The following SHANK2 variants were observed in gnomAD, a reference collection of about 807,000 sequenced individuals.
SHANK2 encodes SH3 and multiple ankyrin repeat domains protein 2.
SHANK2 carries 43 observed loss-of-function variants against 133.7 expected under a neutral mutation model. That is an observed-to-expected ratio of 0.32 (90% CI 0.25 to 0.41). SHANK2 has a LOEUF of 0.41. Ranked by LOEUF, SHANK2 falls within the 10% of genes least tolerant of loss-of-function variation. SHANK2 has a pLI of 1.00. For missense variants in SHANK2, 1,994 were observed against 2,235.8 expected (o/e 0.89, Z 2.18); for synonymous variants, 1,017 against 952.8 (o/e 1.07, Z -1.24).
chr11:70,876,243 G>GAC (rs3064243), intron 11 of SHANK2, among the ~76,000 whole-genome samples: 3,195 of 134,842 alleles, frequency 0.024, 57 homozygotes, highest in East Asian at 0.042. Context: ...CACACATATA[G>GAC]ACACACACAC....
intron 17 of SHANK2, among the ~76,000 whole-genome samples, chr11:70,610,111 C>T (rs1191102527): frequency 2.0e-5 from 3 of 151,650 alleles, no homozygotes; most frequent in Non-Finnish European, 4.4e-5. Context: ...AACTAGGTCT[C>T]GGTGGTGGTC....
At chr11:70,811,761 C>T (rs782629353) in intron 12 of SHANK2, among the ~76,000 whole-genome samples, 30 of 151,698 alleles carry the variant, frequency 2.0e-4, no homozygotes, top group Non-Finnish European at 2.5e-4. Context: ...ATCTATCCAT[C>T]CACCATCCAG....
chr11:70,695,923 A>G lies in SHANK2; in HGVS notation c.1853+2765T>C, dbSNP rs1441486644. Among the ~76,000 whole-genome samples the G allele has an allele frequency of 2.0e-5, 3 of 152,212 alleles. No individual in the cohort carries two copies. The East Asian group carries it at 5.8e-4, about 29-fold the overall frequency. ...TGACTCCTAACTCTGATCAAGGCTG[A>G]AGCTTTTTCACCATTTGCTTAGAAG... On this transcript the variant is annotated intron_variant, in intron 15 of 25. Coordinates refer to ENST00000601538, the MANE Select transcript of SHANK2 (RefSeq NM_012309.5).
At chr11:70,599,905 GAGAAAGAAAGAAAGAAAGAAAGAA>G (rs201394941) in intron 17 of SHANK2, among the ~76,000 whole-genome samples, 53 of 73,776 alleles carry the variant, frequency 7.2e-4, no homozygotes, top group Middle Eastern at 5.2e-3. Flanking sequence ...AAGAAAGAAA[GAGAAAGAAAGAAAGAAAGAAAGAA>G]AGAAAGAAAG....
chr11:70,662,043 G>GTAAGTAA, intron 15 of SHANK2: 1 of 516,202 alleles, frequency 1.9e-6, no homozygotes, highest in South Asian at 2.0e-5. Flanking sequence ...CCCGAACGGC[G>GTAAGTAA]GCGGCGGCAG....
At chr11:70,841,749 T>C (rs556572784) in intron 11 of SHANK2, among the ~76,000 whole-genome samples, 1 of 152,206 alleles carries the variant, frequency 6.6e-6, no homozygotes, top group East Asian at 1.9e-4. Flanking sequence ...ACGTGACTGC[T>C]CCTCCTGCCT....
chr11:70,486,548 T>C lies in SHANK2; in HGVS notation c.3745A>G (p.Ile1249Val), dbSNP rs1247473119. ...AGGCTGGGCCGCATTTTGGTATCAA[T>C]GTAAAGAGGTTTGTTGAGGTCGGCC... ...PKADLNKPLY[I>V]DTKMRPSLDA... The change falls in exon 25 of 26, where the codon ATT becomes GTT. Residue 1249 changes from isoleucine (I) to valine (V), a missense_variant. Ile to Val is a conservative substitution (Grantham distance 29). Transcript: ENST00000601538. This position sits in a 1 kb window ranked among gnomAD's most constrained non-coding sequence, Gnocchi z 8.0. 6.2e-7 allele frequency: 1 copy of C among 1,614,082 alleles called. No individual in the cohort carries two copies. The highest frequency in any genetic ancestry group is 8.5e-7 in the Non-Finnish European group (1 of 1,180,032).
At chr11:71,216,090 G>A (rs988320308) in intron 2 of SHANK2, among the ~76,000 whole-genome samples, 7 of 152,046 alleles carry the variant, frequency 4.6e-5, no homozygotes, top group South Asian at 2.1e-4. Context: ...AGGGACACAC[G>A]ACTCCACACG....
chr11:71,226,249 C>A (rs1954641766), intron 1 of SHANK2, among the ~76,000 whole-genome samples: 1 of 152,172 alleles, frequency 6.6e-6, no homozygotes, highest in Non-Finnish European at 1.5e-5. Flanking sequence ...GACAGAACAA[C>A]AGACATTATC....
intron 8 of SHANK2, among the ~76,000 whole-genome samples, chr11:71,081,696 C>T (rs1465893223): frequency 1.3e-5 from 2 of 152,148 alleles, no homozygotes; most frequent in Non-Finnish European, 2.9e-5. Flanking sequence ...AGAGAGGATG[C>T]CTCTCTTCCT....
intron 14 of SHANK2, among the ~76,000 whole-genome samples, chr11:70,781,558 T>TA (rs1555045157): frequency 1.4e-4 from 4 of 28,970 alleles, no homozygotes; most frequent in African/African-American, 3.1e-4. Context: ...TACTTACTTA[T>TA]TATATATATA....
intron 14 of SHANK2, among the ~76,000 whole-genome samples, chr11:70,776,870 C>T (rs1051984371): frequency 1.3e-5 from 2 of 151,486 alleles, no homozygotes; most frequent in Non-Finnish European, 2.9e-5. Flanking sequence ...TCCACACATC[C>T]ACCCACCCAT....
intron 3 of SHANK2, 87 bp downstream of exon 3, chr11:71,147,033 C>A (rs1952664313): frequency 8.5e-7 from 1 of 1,181,896 alleles, no homozygotes. Flanking sequence ...GACCGTGGGT[C>A]CGGGGAGGAC....
rs1057197843 is a variant in SHANK2, at chr11:71,057,038, C to A, written c.1030-480G>T. Among the ~76,000 whole-genome samples, 789 of 152,044 alleles carry A rather than the reference C, an allele frequency of 5.2e-3. 1 individual carries two copies. The highest frequency in any genetic ancestry group is 8.2e-3 in the Admixed American group (125 of 15,242). ...ACTTCTAAATAAAAAAGGCAAGTCC[C>A]AAAACAATAATATTGGCCATGCGCA... On this transcript the variant is annotated intron_variant, in intron 9 of 25. Coordinates refer to ENST00000601538, the MANE Select transcript of SHANK2 (RefSeq NM_012309.5).
chr11:70,480,311 T>G (rs1409800477), intron 25 of SHANK2, among the ~76,000 whole-genome samples: 2 of 152,236 alleles, frequency 1.3e-5, no homozygotes, highest in African/African-American at 4.8e-5. Flanking sequence ...GTCATTTCCT[T>G]GCAGAGTGTC....
rs1247368731 is a variant in SHANK2 at position 70,473,616 on chromosome 11, G to A, written c.4980-177C>T. On this transcript the variant is annotated intron_variant, in intron 25 of 25. Coordinates refer to ENST00000601538, the MANE Select transcript of SHANK2 (RefSeq NM_012309.5). The surrounding 1 kb of genome is among the most constrained non-coding windows in gnomAD (Gnocchi z 5.9). ...GCCAGGGTGGGGGAGGGGGAGAAAG[G>A]GGCCAGAGCAAAGTTGGAGACACCA... 2 of 709,312 alleles carry A rather than the reference G, an allele frequency of 2.8e-6. No individual in the cohort carries two copies. The highest frequency in any genetic ancestry group is 3.5e-5 in the African/African-American group (2 of 57,344). 43.9% of individuals were successfully genotyped at this position (709,312 alleles called of 1,614,324 possible).
chr11:70,695,769 A>G (rs1363055177), intron 15 of SHANK2, among the ~76,000 whole-genome samples: 5 of 152,220 alleles, frequency 3.3e-5, no homozygotes, highest in Non-Finnish European at 5.9e-5. Context: ...GCTGTGCTCC[A>G]TGCAGGGTGG....
At chr11:70,642,308 G>A (rs1375378448) in intron 17 of SHANK2, among the ~76,000 whole-genome samples, 10 of 126,058 alleles carry the variant, frequency 7.9e-5, no homozygotes, top group Admixed American at 1.0e-4. Context: ...TTGATTTTCC[G>A]TTCGATTCAA....
At chr11:71,096,137 G>T (rs1951608335) in intron 6 of SHANK2, among the ~76,000 whole-genome samples, 1 of 152,018 alleles carries the variant, frequency 6.6e-6, no homozygotes, top group Non-Finnish European at 1.5e-5. Flanking sequence ...GTGAAAAGCA[G>T]GCTTCCTGTC....
Sources: allele counts gnomAD v4.1 joint callset (sites outside exome capture counted in the v4.1 genomes callset), GRCh38; gene constraint gnomAD v4.1.1; non-coding constraint Gnocchi (gnomAD v3.1); transcripts MANE v1.5; gene names NCBI Gene and HGNC (gene_info 2026-07-23, HGNC 2026-07-21).